The following CAST variants were observed in gnomAD, a reference collection of about 807,000 sequenced individuals.
CAST encodes calpastatin.
In CAST, 76 loss-of-function variants were observed where a neutral mutation model predicts 119.6. That is an observed-to-expected ratio of 0.64 (90% CI 0.53 to 0.77). CAST has a LOEUF of 0.77. CAST is among the 30% of genes least tolerant of loss of function. CAST has a pLI of 0.00. For synonymous variants in CAST, 319 were observed against 331.6 expected, an observed-to-expected ratio of 0.96 and a Z score of 0.41; for missense variants, 953 against 946.5, an observed-to-expected ratio of 1.01 and a Z score of -0.09.
At chr5:96,324,549 G>T in the CAST span, among the ~76,000 whole-genome samples, 1 of 152,142 alleles carries the variant, frequency 6.6e-6, no homozygotes, top group Non-Finnish European at 1.5e-5. Context: ...TAGAAGGAAT[G>T]TTCCTCCTCA....
the CAST span, among the ~76,000 whole-genome samples, chr5:96,015,617 C>A: frequency 6.6e-6 from 1 of 152,010 alleles, no homozygotes; most frequent in Non-Finnish European, 1.5e-5. Context: ...GACTGATTTG[C>A]CAACCTTATC....
Position 96,773,960 on chromosome 5 carries a change from C to A in CAST, c.*1344C>A, listed in dbSNP as rs1252185927. ...AATGGCACCACATCTTGTTAACCTCCCCCCCAAATACTCTCTGAAAGTCAT... is the reference window on the plus strand; with the variant it reads ...AATGGCACCACATCTTGTTAACCTCACCCCCAAATACTCTCTGAAAGTCAT... On this transcript the variant is annotated 3_prime_UTR_variant, in exon 32 of 32. Transcript: ENST00000675179. The A allele has an allele frequency of 1.3e-5, 2 of 152,232 alleles. No individual in the cohort carries two copies. The highest frequency in any genetic ancestry group is 2.4e-5 in the African/African-American group (1 of 41,384). 9.4% of individuals were successfully genotyped at this position (152,232 alleles called of 1,614,324 possible). A position where few individuals can be genotyped will look rare whatever the true frequency, so the allele number is the denominator to read the frequency against.
chr5:96,751,379 T>C (rs1394787510), intron 20 of CAST, among the ~76,000 whole-genome samples: 2 of 152,226 alleles, frequency 1.3e-5, no homozygotes, highest in Admixed American at 6.5e-5. Flanking sequence ...TGTCTTCTCA[T>C]TAAATTTTCA....
At chr5:96,127,658 A>G in the CAST span, among the ~76,000 whole-genome samples, 2 of 152,030 alleles carry the variant, frequency 1.3e-5, no homozygotes, top group South Asian at 4.2e-4. Context: ...TTTTGTTCCC[A>G]ATTTCCTTTA....
chr5:96,255,876 G>A, the CAST span, among the ~76,000 whole-genome samples: 78,955 of 151,872 alleles, frequency 0.52, 21,799 homozygotes, highest in African/African-American at 0.7. Context: ...TTAGGGTTCC[G>A]TTCCTCAAAT....
At chr5:96,507,938 A>C in the CAST span, among the ~76,000 whole-genome samples, 1 of 151,882 alleles carries the variant, frequency 6.6e-6, no homozygotes, top group Non-Finnish European at 1.5e-5. Flanking sequence ...TTGTTTCTAG[A>C]GTTCTCTTTG....
the CAST span, among the ~76,000 whole-genome samples, chr5:96,242,303 T>A: frequency 6.6e-6 from 1 of 152,182 alleles, no homozygotes; most frequent in Non-Finnish European, 1.5e-5. Context: ...AAATTAATTA[T>A]TTATTTATTT....
chr5:96,581,495 A>C (rs1469922277), intron 1 of CAST, among the ~76,000 whole-genome samples: 1 of 152,242 alleles, frequency 6.6e-6, no homozygotes, highest in Non-Finnish European at 1.5e-5. Flanking sequence ...AAGTGCACAC[A>C]TATACTTTGG....
At chr5:96,167,371 G>A in the CAST span, among the ~76,000 whole-genome samples, 1 of 152,276 alleles carries the variant, frequency 6.6e-6, no homozygotes, top group East Asian at 1.9e-4. Flanking sequence ...GAAGATAGTA[G>A]GGATGACAAG....
At chr5:96,226,646 G>C in the CAST span, among the ~76,000 whole-genome samples, 3 of 151,982 alleles carry the variant, frequency 2.0e-5, no homozygotes, top group South Asian at 6.2e-4. Flanking sequence ...GACAGAGTGA[G>C]ACCCTGCCTC....
At chr5:96,191,034 A>G in the CAST span, among the ~76,000 whole-genome samples, 3 of 152,174 alleles carry the variant, frequency 2.0e-5, no homozygotes, top group Non-Finnish European at 2.9e-5. Flanking sequence ...TCCAGCTGCA[A>G]CCATGTTGTT....
intron 3 of CAST, among the ~76,000 whole-genome samples, chr5:96,705,691 T>C (rs1687868922): frequency 6.6e-6 from 1 of 152,112 alleles, no homozygotes; most frequent in South Asian, 2.1e-4. Flanking sequence ...ATATTAATAG[T>C]TCTAATAATA....
chr5:96,527,129 T>C (rs552770122), upstream of CAST, among the ~76,000 whole-genome samples: 4 of 152,206 alleles, frequency 2.6e-5, no homozygotes, highest in South Asian at 8.3e-4. Flanking sequence ...GAGTTAAATA[T>C]ACATTTATCT....
At chr5:96,582,273 A>G (rs932426666) in intron 1 of CAST, among the ~76,000 whole-genome samples, 1 of 152,196 alleles carries the variant, frequency 6.6e-6, no homozygotes, top group Admixed American at 6.5e-5. Flanking sequence ...GAGTAGGTTT[A>G]AGGGGTAGAA....
At chr5:96,654,407 A>G (rs1056015236) in intron 1 of CAST, among the ~76,000 whole-genome samples, 1 of 152,046 alleles carries the variant, frequency 6.6e-6, no homozygotes, top group Non-Finnish European at 1.5e-5. Context: ...TCTTTTTCTT[A>G]AGAAAACCAA....
chr5:96,210,318 A>G, the CAST span: 1 of 151,994 alleles, frequency 6.6e-6, no homozygotes, highest in East Asian at 1.9e-4. Context: ...TGCAAATTAC[A>G]CTTTAGTCTG....
chr5:96,037,212 AG>A, the CAST span, among the ~76,000 whole-genome samples: 1 of 152,132 alleles, frequency 6.6e-6, no homozygotes, highest in Admixed American at 6.6e-5. Context: ...TCCCATGTAA[AG>A]GTGCCAATAG....
upstream of CAST, among the ~76,000 whole-genome samples, chr5:96,524,504 G>A (rs1745568691): frequency 6.6e-6 from 1 of 152,216 alleles, no homozygotes; most frequent in Non-Finnish European, 1.5e-5. Context: ...CCATGCTCAT[G>A]CTTGGCACTC....
the CAST span, among the ~76,000 whole-genome samples, chr5:96,461,032 T>C: frequency 5.3e-5 from 8 of 152,188 alleles, no homozygotes; most frequent in East Asian, 1.5e-3. Context: ...CTCCATTGCC[T>C]CCTCCTCCAG....
Sources: allele counts gnomAD v4.1 joint callset (sites outside exome capture counted in the v4.1 genomes callset), GRCh38; gene constraint gnomAD v4.1.1; transcripts MANE v1.5; gene names NCBI Gene and HGNC (gene_info 2026-07-23, HGNC 2026-07-21).